Variants in AFF3 observed in about 807,000 individuals in gnomAD.
The protein encoded by AFF3 is AF4/FMR2 family member 3.
Under a neutral mutation model 129.7 loss-of-function variants are expected in AFF3, and 32 were observed. The ratio of observed to expected loss-of-function variants is 0.25; its 90% CI spans 0.19 to 0.33. AFF3 has a LOEUF of 0.33. Ranked by LOEUF, AFF3 falls within the 10% of genes least tolerant of loss-of-function variation. The probability of loss-of-function intolerance (pLI) is 1.00; values close to 1 mark genes in which losing one functional copy is unlikely to be tolerated. For synonymous variants in AFF3, 644 were observed against 635.4 expected (o/e 1.01, Z -0.20); for missense variants, 1,373 against 1,592.0 (o/e 0.86, Z 2.34).
intron 1 of AFF3, among the ~76,000 whole-genome samples, chr2:100,132,279 A>G (rs539457894): frequency 1.1e-4 from 17 of 152,328 alleles, no homozygotes; most frequent in African/African-American, 3.8e-4. Context: ...GACAAGTAAT[A>G]CATATGAATA....
At chr2:100,073,343 T>C (rs1688348255) in intron 4 of AFF3, among the ~76,000 whole-genome samples, 1 of 152,048 alleles carries the variant, frequency 6.6e-6, no homozygotes, top group African/African-American at 2.4e-5. Flanking sequence ...TGTCGGGTGA[T>C]ACATCCACAA....
intron 7 of AFF3, among the ~76,000 whole-genome samples, chr2:99,924,199 G>A (rs1343471983): frequency 1.3e-5 from 2 of 152,146 alleles, no homozygotes; most frequent in Admixed American, 6.5e-5. Flanking sequence ...TGGGGGATTC[G>A]GAAAATTTCC....
At chr2:99,966,881 T>C (rs531630911) in intron 7 of AFF3, among the ~76,000 whole-genome samples, 40 of 151,954 alleles carry the variant, frequency 2.6e-4, no homozygotes, top group African/African-American at 7.2e-4. Flanking sequence ...TGGGAAGAAA[T>C]TGGAAACAGA....
chr2:99,976,948 A>C (rs747615428), intron 7 of AFF3, among the ~76,000 whole-genome samples: 3 of 152,200 alleles, frequency 2.0e-5, no homozygotes, highest in Non-Finnish European at 2.9e-5. Context: ...TTGGTTTTCA[A>C]ATACATGAAG....
intron 8 of AFF3, among the ~76,000 whole-genome samples, chr2:99,777,674 C>T (rs186305067): frequency 2.0e-5 from 3 of 152,286 alleles, no homozygotes; most frequent in East Asian, 3.9e-4. Flanking sequence ...ATTGCTAGCT[C>T]TTCGCCTCCA....
At chr2:99,583,137 G>A (rs1677743281) in intron 16 of AFF3, 138 bp from the exon 17 acceptor site, 1 of 685,634 alleles carries the variant, frequency 1.5e-6, no homozygotes. Flanking sequence ...CAGGAAACAA[G>A]TTAATGGCAT....
intron 11 of AFF3, among the ~76,000 whole-genome samples, chr2:99,724,000 C>T (rs1460180095): frequency 6.6e-6 from 1 of 152,186 alleles, no homozygotes; most frequent in Admixed American, 6.5e-5. Context: ...ACCAACCCTG[C>T]TGACACCCTG....
intron 1 of AFF3, among the ~76,000 whole-genome samples, chr2:100,134,930 T>C (rs1362631376): frequency 2.6e-5 from 4 of 152,014 alleles, no homozygotes; most frequent in African/African-American, 9.7e-5. Flanking sequence ...GGCTGGCTAT[T>C]TTATACAAGG....
chr2:99,928,281 T>C (rs1195249180), intron 7 of AFF3, among the ~76,000 whole-genome samples: 3 of 152,150 alleles, frequency 2.0e-5, no homozygotes, highest in Non-Finnish European at 2.9e-5. Flanking sequence ...TAAGACTAAA[T>C]AACTTCATGA....
At chr2:99,982,449 C>A (rs753536715) in intron 7 of AFF3, among the ~76,000 whole-genome samples, 1 of 152,202 alleles carries the variant, frequency 6.6e-6, no homozygotes, top group Non-Finnish European at 1.5e-5. Flanking sequence ...GTCTATTAAA[C>A]CTCTTCGTTT....
chr2:99,603,714 A>AT (rs919545645), intron 13 of AFF3, among the ~76,000 whole-genome samples: 41 of 152,340 alleles, frequency 2.7e-4, no homozygotes, highest in African/African-American at 9.9e-4. Flanking sequence ...ATAGGAGAAA[A>AT]TTTTTGCAAA....
intron 4 of AFF3, among the ~76,000 whole-genome samples, chr2:100,016,455 GTGA>G (rs1269853483): frequency 1.3e-5 from 2 of 151,518 alleles, no homozygotes; most frequent in East Asian, 3.9e-4. Context: ...GGTGGAGATG[GTGA>G]TGGTGGTGGT....
At chr2:100,036,843 A>G (rs961782207) in intron 4 of AFF3, among the ~76,000 whole-genome samples, 14 of 151,332 alleles carry the variant, frequency 9.3e-5, no homozygotes, top group East Asian at 5.8e-4. Flanking sequence ...AGAAAAAAAA[A>G]AAAAGAAAAG....
intron 13 of AFF3, among the ~76,000 whole-genome samples, chr2:99,621,901 A>G (rs1356150376): frequency 6.6e-6 from 1 of 152,126 alleles, no homozygotes; most frequent in Non-Finnish European, 1.5e-5. Context: ...GGGGAAGCTG[A>G]AATAGACGCA....
intron 7 of AFF3, among the ~76,000 whole-genome samples, chr2:99,959,647 G>T (rs1426906009): frequency 6.7e-6 from 1 of 150,068 alleles, no homozygotes; most frequent in African/African-American, 2.4e-5. Flanking sequence ...CTCACAGATT[G>T]CCGAGTTGAA....
At chr2:100,106,023 C>T (rs946998361) in intron 2 of AFF3, 1 of 1,320,708 alleles carries the variant, frequency 7.6e-7, no homozygotes, top group Non-Finnish European at 1.0e-6. Context: ...GAAGAGTCAT[C>T]CTCTCACCTC....
intron 8 of AFF3, among the ~76,000 whole-genome samples, chr2:99,793,326 C>T (rs1685335422): frequency 6.6e-6 from 1 of 152,228 alleles, no homozygotes; most frequent in Non-Finnish European, 1.5e-5. Context: ...CCTTCTTAAA[C>T]AGCCTGCAGA....
intron 4 of AFF3, among the ~76,000 whole-genome samples, chr2:100,069,483 C>T (rs926393871): frequency 7.2e-5 from 11 of 152,108 alleles, no homozygotes; most frequent in East Asian, 1.9e-4. Context: ...TTAAATAACA[C>T]GTAAAATACC....
intron 7 of AFF3, among the ~76,000 whole-genome samples, chr2:99,906,924 G>A (rs1316397350): frequency 6.6e-6 from 1 of 151,880 alleles, no homozygotes; most frequent in African/African-American, 2.4e-5. Context: ...CTCTGTTGGA[G>A]CCCATACTGG....
Sources: gnomAD v4.1 joint callset for allele counts (sites outside exome capture counted in the v4.1 genomes callset) on GRCh38, gnomAD v4.1.1 for gene constraint, MANE v1.5 for transcripts, NCBI Gene and HGNC (gene_info 2026-07-23, HGNC 2026-07-21) for gene names.